ADHFE1: variants seen among roughly 807,000 people sequenced by gnomAD.
The protein encoded by ADHFE1 is hydroxyacid-oxoacid transhydrogenase, mitochondrial.
In ADHFE1, 37 loss-of-function variants were observed where a neutral mutation model predicts 54.8. The ratio of observed to expected loss-of-function variants is 0.68; its 90% CI spans 0.52 to 0.89. The LOEUF (loss-of-function observed/expected upper bound fraction) is 0.89. Among genes scored for constraint, ADHFE1 ranks in the 40% least tolerant of loss-of-function variants. The probability of loss-of-function intolerance (pLI) is 0.00; values close to 1 mark genes in which losing one functional copy is unlikely to be tolerated. For synonymous variants in ADHFE1, 203 were observed against 229.3 expected (o/e 0.89, Z 1.04); for missense variants, 601 against 591.2 (o/e 1.02, Z -0.17).
intron 7 of ADHFE1, among the ~76,000 whole-genome samples, chr8:66,447,841 T>A: frequency 6.6e-6 from 1 of 152,364 alleles, no homozygotes; most frequent in African/African-American, 2.4e-5. Context: ...TTACTGACTG[T>A]ATACCAATGA....
intron 10 of ADHFE1, among the ~76,000 whole-genome samples, chr8:66,456,139 T>TAA (rs563267448): frequency 6.3e-5 from 9 of 143,776 alleles, no homozygotes; most frequent in African/African-American, 2.3e-4. Context: ...ATACCATCTC[T>TAA]AAAAAAAAAA....
intron 13 of ADHFE1, 67 bp downstream of exon 13, chr8:66,460,532 T>C: frequency 6.6e-7 from 1 of 1,505,814 alleles, no homozygotes; most frequent in East Asian, 2.3e-5. Context: ...ACATGCTGCA[T>C]TGATGGCGGG....
Position 66,445,384 on chromosome 8 carries a change from G to A in ADHFE1, c.520G>A (p.Val174Met), listed in dbSNP as rs777540433. 9.3e-6 allele frequency: 15 copies of A among 1,613,072 alleles called. No individual in the cohort carries two copies. The Admixed American group carries it at 2.5e-4, about 27-fold the overall frequency. ...TGCCCCCATTGGCAAGGGAAAGCCT[G>A]TGTCTGTGCCTCTTAAGCCTCTGAT... ...VSAPIGKGKP[V>M]SVPLKPLIAV... The change falls in exon 6 of 14, where the codon GTG (valine) becomes ATG (methionine). Residue 174 changes from valine (V) to methionine (M), a missense_variant. Physicochemically the swap from Val to Met is conservative, Grantham distance 21. Coordinates refer to ENST00000396623, the MANE Select transcript of ADHFE1 (RefSeq NM_144650.3).
intron 2 of ADHFE1, among the ~76,000 whole-genome samples, chr8:66,442,010 A>G (rs542343950): frequency 1.3e-5 from 2 of 152,276 alleles, no homozygotes; most frequent in Admixed American, 1.3e-4. Flanking sequence ...ACCAAGATAA[A>G]TAAGCTTTTT....
At position 66,442,814 on chromosome 8, in the gene ADHFE1, T is replaced by G; in HGVS notation, c.114T>G (p.Pro38=). ...CATTTCTAGCCCCTGGACTTTCACC[T>G]TCTGGGAAAACAACAGATTATGCCT... The part of the protein sequence containing the change: ...HTYSQAPGLS[P]SGKTTDYAFE... The change falls in exon 3 of 14, where the codon CCT becomes CCG. Residue 38 remains proline, a synonymous_variant. Transcript: ENST00000396623. 1 of 1,597,036 alleles carries G rather than the reference T, an allele frequency of 6.3e-7. No homozygotes were observed. Among genetic ancestry groups the G allele is most frequent in the East Asian group, 2.3e-5 (1 of 43,818 alleles).
rs755144435 is a variant in ADHFE1 at position 66,440,165 on chromosome 8, C to T, written c.63C>T (p.Cys21=). The T allele has an allele frequency of 1.3e-6, 2 of 1,563,832 alleles. No homozygotes were observed. The highest frequency in any genetic ancestry group is 2.2e-5 in the South Asian group (2 of 89,560). ...YLLRQLQRAA[C]QCPTHSHTYS... The stretch of plus-strand genomic sequence containing the variant: ...CTGTCGTTTTTATTTTCCCTAGGTG[C>T]CAGTGCCCAACTCATTCTCATACTT... Residue 21 remains cysteine (C), a synonymous_variant, in exon 2 of 14, where the codon TGC becomes TGT. Transcript: ENST00000396623.
intron 13 of ADHFE1, among the ~76,000 whole-genome samples, chr8:66,467,597 A>G (rs548603400): frequency 4.6e-5 from 7 of 152,256 alleles, no homozygotes; most frequent in Middle Eastern, 3.4e-3. Context: ...GAACCTCAAA[A>G]TGGACATTCC....
intron 13 of ADHFE1, among the ~76,000 whole-genome samples, chr8:66,467,107 G>A (rs1417956282): frequency 6.6e-6 from 1 of 152,158 alleles, no homozygotes; most frequent in African/African-American, 2.4e-5. Flanking sequence ...AGACCTTTCA[G>A]GAAGCTTCTC....
rs143052158 is a variant in ADHFE1, at chr8:66,460,382, G to A, written c.1237G>A (p.Asp413Asn). Residue 413 changes from aspartate (D) to asparagine (N), a missense_variant, in exon 13 of 14, where the codon GAT becomes AAT. Asp to Asn is a conservative substitution (Grantham distance 23). Transcript: ENST00000396623. ...AGACACGCTCCGGAAATTCTTATTC[G>A]ATCTGGATGTTGATGATGGCCTAGC... ...LADTLRKFLFDLDVDDGLAAV... is the reference protein window; with the variant it reads ...LADTLRKFLFNLDVDDGLAAV... 12 of 1,613,976 alleles carry A rather than the reference G, an allele frequency of 7.4e-6. No homozygotes were observed. The highest frequency in any genetic ancestry group is 2.2e-5 in the East Asian group (1 of 44,892).
chr8:66,453,254 G>C (rs541107380), intron 9 of ADHFE1, among the ~76,000 whole-genome samples: 1 of 152,154 alleles, frequency 6.6e-6, no homozygotes, highest in Non-Finnish European at 1.5e-5. Context: ...AACTAACATG[G>C]GGTTTCAGAA....
rs112389941 is a variant in ADHFE1, at chr8:66,445,073, C to T, written c.354-145C>T. On this transcript the variant is annotated intron_variant, in intron 5 of 13. Transcript: ENST00000396623. The stretch of plus-strand genomic sequence containing the variant: ...CGGAGATCGTGCTACTGCACTGCAG[C>T]CTGGGCAACAGAATGAGACTCCGTC... The T allele has an allele frequency of 2.3e-3, 1,807 of 796,088 alleles. 24 individuals carry two copies. The African/African-American group carries it at 0.028, about 13-fold the overall frequency. 49.3% of individuals were successfully genotyped at this position (796,088 alleles called of 1,614,324 possible). A position where few individuals can be genotyped will look rare whatever the true frequency, so the allele number is the denominator to read the frequency against.
intron 13 of ADHFE1, among the ~76,000 whole-genome samples, chr8:66,465,710 C>G (rs1353064643): frequency 1.3e-5 from 2 of 152,022 alleles, no homozygotes; most frequent in African/African-American, 4.8e-5. Flanking sequence ...AGCAGTTCTC[C>G]TGCCTTAGCC....
At chr8:66,462,248 C>A (rs2130482442) in intron 13 of ADHFE1, among the ~76,000 whole-genome samples, 1 of 152,254 alleles carries the variant, frequency 6.6e-6, no homozygotes, top group Non-Finnish European at 1.5e-5. Flanking sequence ...CTCAGGGACA[C>A]CGTAGACTGA....
At chr8:66,467,305 C>T (rs1411041334) in intron 13 of ADHFE1, among the ~76,000 whole-genome samples, 5 of 152,120 alleles carry the variant, frequency 3.3e-5, no homozygotes, top group Non-Finnish European at 7.4e-5. Flanking sequence ...TACTGGGTGT[C>T]ATTTCTGAGA....
At chr8:66,445,772 A>G (rs1417386726) in intron 6 of ADHFE1, among the ~76,000 whole-genome samples, 1 of 152,186 alleles carries the variant, frequency 6.6e-6, no homozygotes, top group Non-Finnish European at 1.5e-5. Flanking sequence ...GAGTTTAAGG[A>G]GAACATTAGC....
intron 8 of ADHFE1, among the ~76,000 whole-genome samples, chr8:66,451,148 C>T (rs1806278681): frequency 6.6e-6 from 1 of 152,208 alleles, no homozygotes; most frequent in Non-Finnish European, 1.5e-5. Flanking sequence ...GATGTCTGTT[C>T]TCTTCTGCAG....
chr8:66,460,525 T>C lies in ADHFE1; in HGVS notation c.1320+60T>C, dbSNP rs1806841232. 3 of 1,511,900 alleles carry C rather than the reference T, an allele frequency of 2.0e-6. No homozygotes were observed. In the South Asian group the frequency reaches 4.0e-5, roughly 20 times the overall value. 93.7% of individuals were successfully genotyped at this position (1,511,900 alleles called of 1,614,324 possible). A position where few individuals can be genotyped will look rare whatever the true frequency, so the allele number is the denominator to read the frequency against. On this transcript the variant is annotated intron_variant, in intron 13 of 13. Transcript: ENST00000396623. Reference sequence around the variant, plus strand: ...GGAGCCTAGCGCCTCCAGAAAGACATGCTGCATTGATGGCGGGCTAGCAGG... The same window carrying C: ...GGAGCCTAGCGCCTCCAGAAAGACACGCTGCATTGATGGCGGGCTAGCAGG...
At chr8:66,457,521 A>G (rs1806651549) in intron 12 of ADHFE1, among the ~76,000 whole-genome samples, 1 of 151,462 alleles carries the variant, frequency 6.6e-6, no homozygotes, top group South Asian at 2.1e-4. Context: ...ACCAAAAAAT[A>G]TTGCTTTGCG....
intron 10 of ADHFE1, 35 bp downstream of exon 10, chr8:66,454,192 GC>G (rs1563492545): frequency 6.2e-7 from 1 of 1,601,328 alleles, no homozygotes; most frequent in Non-Finnish European, 8.5e-7. Flanking sequence ...CTTTACTCAA[GC>G]TATTGCTTTA....
Sources: allele counts gnomAD v4.1 joint callset (sites outside exome capture counted in the v4.1 genomes callset), GRCh38; gene constraint gnomAD v4.1.1; transcripts MANE v1.5; gene names NCBI Gene and HGNC (gene_info 2026-07-23, HGNC 2026-07-21).